MAML3: variants seen among roughly 807,000 people sequenced by gnomAD.
The protein encoded by MAML3 is mastermind like transcriptional coactivator 3, also known as mastermind-like protein 3.
Under a neutral mutation model 101.9 loss-of-function variants are expected in MAML3, and 27 were observed. That is an observed-to-expected ratio of 0.27 (90% CI 0.20 to 0.37). The LOEUF (loss-of-function observed/expected upper bound fraction) is 0.37, where lower values mean the gene tolerates loss of function less well. MAML3 is among the 10% of genes least tolerant of loss of function. The pLI, the probability that MAML3 is intolerant of heterozygous loss-of-function variation, is 1.00. For missense variants in MAML3, 1,316 were observed against 1,444.9 expected (o/e 0.91, Z 1.45); for synonymous variants, 501 against 555.9 (o/e 0.90, Z 1.39).
chr4:139,852,403 GTTTTTT>G (rs67349785), intron 2 of MAML3, among the ~76,000 whole-genome samples: 1 of 68,350 alleles, frequency 1.5e-5, no homozygotes, highest in South Asian at 6.1e-4. Context: ...TCAGAAGACT[GTTTTTT>G]TTTTTTTTTT....
At chr4:139,936,953 G>C (rs936791657) in intron 1 of MAML3, among the ~76,000 whole-genome samples, 2 of 152,160 alleles carry the variant, frequency 1.3e-5, no homozygotes, top group African/African-American at 4.8e-5. Context: ...AGTTTATTTT[G>C]CTATATAATG....
intron 1 of MAML3, among the ~76,000 whole-genome samples, chr4:140,003,070 C>T (rs1726356553): frequency 1.3e-5 from 2 of 152,212 alleles, no homozygotes; most frequent in Non-Finnish European, 1.5e-5. Flanking sequence ...TTCAATTTAC[C>T]ACTTCTTTCT....
At chr4:140,149,626 G>A (rs904450743) in intron 1 of MAML3, among the ~76,000 whole-genome samples, 1 of 152,146 alleles carries the variant, frequency 6.6e-6, no homozygotes, top group Non-Finnish European at 1.5e-5. Context: ...CAATGAAACA[G>A]TAAAGAATCC....
At chr4:140,044,848 T>C (rs1727153053) in intron 1 of MAML3, among the ~76,000 whole-genome samples, 1 of 152,150 alleles carries the variant, frequency 6.6e-6, no homozygotes, top group Non-Finnish European at 1.5e-5. Context: ...GTGTGCCTCT[T>C]ATATCAAACT....
intron 2 of MAML3, among the ~76,000 whole-genome samples, chr4:139,802,114 G>C (rs1490941739): frequency 2.6e-5 from 4 of 152,112 alleles, no homozygotes; most frequent in East Asian, 3.9e-4. Context: ...TCTAGTGAAG[G>C]GGGAGAGCTC....
intron 1 of MAML3, among the ~76,000 whole-genome samples, chr4:140,121,394 A>T (rs969381715): frequency 2.6e-5 from 4 of 152,240 alleles, no homozygotes; most frequent in Admixed American, 6.5e-5. Flanking sequence ...TCTAATAGTA[A>T]ACAAGTTCCA....
chr4:139,935,504 C>T (rs1733489760), intron 1 of MAML3, among the ~76,000 whole-genome samples: 1 of 152,098 alleles, frequency 6.6e-6, no homozygotes, highest in Admixed American at 6.6e-5. Context: ...CAACTCCCTG[C>T]CCTCCTTCTC....
chr4:139,931,598 T>C (rs530098636), intron 1 of MAML3, among the ~76,000 whole-genome samples: 37 of 152,220 alleles, frequency 2.4e-4, no homozygotes, highest in Non-Finnish European at 5.0e-4. Flanking sequence ...TGCATCCTCT[T>C]CATCAGAAGC....
intron 1 of MAML3, among the ~76,000 whole-genome samples, chr4:140,103,749 T>C (rs1386632866): frequency 6.6e-6 from 1 of 152,206 alleles, no homozygotes; most frequent in East Asian, 1.9e-4. Flanking sequence ...CAAGATGACA[T>C]CCGTGTTGCC....
chr4:139,795,946 A>G (rs1418259023), intron 2 of MAML3, among the ~76,000 whole-genome samples: 1 of 152,144 alleles, frequency 6.6e-6, no homozygotes, highest in East Asian at 1.9e-4. Flanking sequence ...ACCCCACTAT[A>G]AGTGTGACTG....
At chr4:139,989,080 C>T (rs1734610848) in intron 1 of MAML3, among the ~76,000 whole-genome samples, 1 of 152,146 alleles carries the variant, frequency 6.6e-6, no homozygotes, top group South Asian at 2.1e-4. Context: ...CAGAACTGCC[C>T]CTTCTCGACG....
intron 1 of MAML3, among the ~76,000 whole-genome samples, chr4:139,940,208 T>C (rs1733576676): frequency 6.6e-6 from 1 of 152,178 alleles, no homozygotes; most frequent in Non-Finnish European, 1.5e-5. Context: ...TCTTCTCCTC[T>C]CCACTACCCT....
chr4:139,987,641 C>T (rs967811742), intron 1 of MAML3, among the ~76,000 whole-genome samples: 3 of 152,170 alleles, frequency 2.0e-5, no homozygotes, highest in Admixed American at 6.5e-5. Context: ...TGGGAGTTCT[C>T]GGCATGAATC....
At chr4:139,775,641 CG>C (rs1034018826) in intron 2 of MAML3, among the ~76,000 whole-genome samples, 1 of 151,982 alleles carries the variant, frequency 6.6e-6, no homozygotes, top group Non-Finnish European at 1.5e-5. Flanking sequence ...AGGAGTGGTT[CG>C]GGGGGCAGAA....
intron 1 of MAML3, among the ~76,000 whole-genome samples, chr4:139,952,471 A>G (rs1254174325): frequency 1.3e-5 from 2 of 152,098 alleles, no homozygotes; most frequent in African/African-American, 4.8e-5. Context: ...CAGTTTATAG[A>G]CCACACCTGG....
chr4:140,040,783 T>C (rs1560874753), intron 1 of MAML3, among the ~76,000 whole-genome samples: 1 of 152,282 alleles, frequency 6.6e-6, no homozygotes, highest in East Asian at 1.9e-4. Flanking sequence ...TTAAATAGGA[T>C]TCAAATATAT....
intron 2 of MAML3, among the ~76,000 whole-genome samples, chr4:139,865,905 AT>A (rs1731889320): frequency 6.6e-6 from 1 of 152,222 alleles, no homozygotes; most frequent in South Asian, 2.1e-4. Flanking sequence ...TGCTTAGAGA[AT>A]TTCAAGTCTG....
intron 1 of MAML3, among the ~76,000 whole-genome samples, chr4:140,077,392 G>C (rs993313593): frequency 1.1e-4 from 16 of 152,084 alleles, no homozygotes; most frequent in African/African-American, 3.6e-4. Flanking sequence ...TTGCAGCCCC[G>C]CATCAAAGGC....
intron 2 of MAML3, among the ~76,000 whole-genome samples, chr4:139,816,557 G>C (rs932858815): frequency 2.6e-5 from 4 of 152,166 alleles, no homozygotes; most frequent in Admixed American, 1.3e-4. Flanking sequence ...AGGAGGAACA[G>C]ACGGGGGTCA....
Sources: gnomAD v4.1 joint callset for allele counts (sites outside exome capture counted in the v4.1 genomes callset) on GRCh38, gnomAD v4.1.1 for gene constraint, MANE v1.5 for transcripts, NCBI Gene and HGNC (gene_info 2026-07-23, HGNC 2026-07-21) for gene names.